PRKG1: variants seen among roughly 807,000 people sequenced by gnomAD.
The protein encoded by PRKG1 is protein kinase cGMP-dependent 1, also known as cGMP-dependent protein kinase 1.
PRKG1 carries 35 observed loss-of-function variants against 88.1 expected under a neutral mutation model. That is an observed-to-expected ratio of 0.40 (90% CI 0.30 to 0.53). The LOEUF (loss-of-function observed/expected upper bound fraction) is 0.53, where lower values mean the gene tolerates loss of function less well. Ranked by LOEUF, PRKG1 falls within the 20% of genes least tolerant of loss-of-function variation. PRKG1 has a pLI of 0.59. For synonymous variants in PRKG1, 303 were observed against 292.5 expected (o/e 1.04, Z -0.37); for missense variants, 540 against 839.8 (o/e 0.64, Z 4.41).
At chr10:52,271,719 A>T (rs1841734483) in intron 11 of PRKG1, among the ~76,000 whole-genome samples, 1 of 152,160 alleles carries the variant, frequency 6.6e-6, no homozygotes, top group Non-Finnish European at 1.5e-5. Context: ...CAAAGGAGGT[A>T]CCAGAGTTTC....
intron 3 of PRKG1, among the ~76,000 whole-genome samples, chr10:51,778,537 G>A (rs1012007271): frequency 6.6e-6 from 1 of 152,090 alleles, no homozygotes; most frequent in Non-Finnish European, 1.5e-5. Context: ...TTTGGTAGAA[G>A]AAAAATTAAT....
Position 51,126,874 on chromosome 10 carries a change from G to T in PRKG1, c.312-26290G>T, listed in dbSNP as rs192422489. Among the ~76,000 whole-genome samples the T allele has an allele frequency of 2.1e-3, 313 of 152,124 alleles. 2 individuals carry two copies. The highest frequency in any genetic ancestry group is 7.3e-3 in the African/African-American group (303 of 41,528). On this transcript the variant is annotated intron_variant, in intron 1 of 17. Transcript: ENST00000373980. ...CCAAGCAATGGGGAAGGATTCCCTAGTTAATAAATGGTGCTGGGAAAATTG... is the reference window on the plus strand; with the variant it reads ...CCAAGCAATGGGGAAGGATTCCCTATTTAATAAATGGTGCTGGGAAAATTG...
chr10:52,123,631 A>G (rs1847869804), intron 7 of PRKG1, among the ~76,000 whole-genome samples: 1 of 152,148 alleles, frequency 6.6e-6, no homozygotes, highest in African/African-American at 2.4e-5. Context: ...GTTCTGTAAT[A>G]TATGAATTCC....
chr10:51,809,414 T>C (rs1839394733), intron 4 of PRKG1, among the ~76,000 whole-genome samples: 1 of 152,346 alleles, frequency 6.6e-6, no homozygotes, highest in South Asian at 2.1e-4. Flanking sequence ...ACTGTTGTTT[T>C]TAAGACAGAT....
chr10:51,859,756 C>T (rs1354849178), intron 4 of PRKG1, among the ~76,000 whole-genome samples: 1 of 152,114 alleles, frequency 6.6e-6, no homozygotes, highest in African/African-American at 2.4e-5. Flanking sequence ...TACTGCCCAC[C>T]ATGTATTCTA....
At chr10:51,232,558 G>T (rs545655232) in intron 2 of PRKG1, among the ~76,000 whole-genome samples, 1 of 29,514 alleles carries the variant, frequency 3.4e-5, no homozygotes, top group African/African-American at 4.9e-4. Flanking sequence ...ATTCTATACC[G>T]TCATTCAAAA....
chr10:51,792,902 G>A (rs1328266034), intron 3 of PRKG1, among the ~76,000 whole-genome samples: 1 of 152,066 alleles, frequency 6.6e-6, no homozygotes, highest in Non-Finnish European at 1.5e-5. Context: ...CCTAAAGACA[G>A]AGGGTAGTTC....
At chr10:51,462,840 AT>A (rs751752280) in intron 2 of PRKG1, among the ~76,000 whole-genome samples, 17 of 152,098 alleles carry the variant, frequency 1.1e-4, no homozygotes, top group East Asian at 7.7e-4. Flanking sequence ...AATGATTTGA[AT>A]TTTTTTTATA....
intron 2 of PRKG1, among the ~76,000 whole-genome samples, chr10:51,321,090 T>A (rs1007456714): frequency 1.3e-5 from 2 of 152,106 alleles, no homozygotes; most frequent in Non-Finnish European, 2.9e-5. Context: ...TTGTTTAAAT[T>A]TTTTTTGTGT....
chr10:51,667,331 A>G (rs1441905132), intron 3 of PRKG1, among the ~76,000 whole-genome samples: 1 of 152,204 alleles, frequency 6.6e-6, no homozygotes, highest in Non-Finnish European at 1.5e-5. Context: ...CTTTTAAAAA[A>G]TGATACCAAA....
intron 3 of PRKG1, among the ~76,000 whole-genome samples, chr10:51,553,450 T>C (rs1837192609): frequency 6.6e-6 from 1 of 151,530 alleles, no homozygotes; most frequent in Non-Finnish European, 1.5e-5. Flanking sequence ...CATAGTTGAG[T>C]GACATAAACT....
At chr10:51,113,441 T>C (rs1589161745) in intron 1 of PRKG1, among the ~76,000 whole-genome samples, 1 of 152,320 alleles carries the variant, frequency 6.6e-6, no homozygotes, top group Admixed American at 6.5e-5. Context: ...ACCAGAGCCA[T>C]CTTCTCCCTA....
chr10:51,969,401 T>C (rs1272481577), intron 5 of PRKG1, among the ~76,000 whole-genome samples: 3 of 152,118 alleles, frequency 2.0e-5, no homozygotes, highest in East Asian at 1.9e-4. Context: ...GTACTACCCA[T>C]TGGTCTAAAG....
chr10:51,900,456 C>A (rs530322152), intron 4 of PRKG1, among the ~76,000 whole-genome samples: 1 of 152,160 alleles, frequency 6.6e-6, no homozygotes, highest in South Asian at 2.1e-4. Context: ...AATCATTTAC[C>A]AATGTGTGAT....
intron 5 of PRKG1, among the ~76,000 whole-genome samples, chr10:51,945,799 C>A (rs1589444110): frequency 6.6e-6 from 1 of 151,616 alleles, no homozygotes; most frequent in African/African-American, 2.4e-5. Context: ...TCTCTTCTGG[C>A]TTGTAGAGTT....
At chr10:51,648,184 G>C (rs1839959830) in intron 3 of PRKG1, among the ~76,000 whole-genome samples, 1 of 151,974 alleles carries the variant, frequency 6.6e-6, no homozygotes, top group Non-Finnish European at 1.5e-5. Flanking sequence ...CCTAATTTCA[G>C]AAACTTTGAA....
intron 2 of PRKG1, among the ~76,000 whole-genome samples, chr10:51,327,310 G>A (rs543472570): frequency 1.7e-4 from 25 of 151,264 alleles, no homozygotes; most frequent in South Asian, 8.4e-4. Flanking sequence ...CCAGCTACTC[G>A]GGAGCCTGAG....
chr10:52,038,245 G>A (rs964200347), intron 5 of PRKG1, among the ~76,000 whole-genome samples: 21 of 152,044 alleles, frequency 1.4e-4, no homozygotes, highest in Admixed American at 6.6e-5. Flanking sequence ...GTTGCCTATA[G>A]TGAAGGAAGC....
chr10:51,510,505 A>C (rs910919919), intron 3 of PRKG1, among the ~76,000 whole-genome samples: 3 of 152,280 alleles, frequency 2.0e-5, no homozygotes, highest in South Asian at 4.1e-4. Context: ...ATAGGTTCTT[A>C]ACTTTTAAAG....
Sources: allele counts gnomAD v4.1 joint callset (sites outside exome capture counted in the v4.1 genomes callset), GRCh38; gene constraint gnomAD v4.1.1; transcripts MANE v1.5; gene names NCBI Gene and HGNC (gene_info 2026-07-23, HGNC 2026-07-21).